Variants in MAF observed in about 807,000 individuals in gnomAD.
The protein encoded by MAF is MAF bZIP transcription factor, also known as transcription factor Maf.
MAF carries 10 observed loss-of-function variants against 22.0 expected under a neutral mutation model. The ratio of observed to expected loss-of-function variants is 0.45; its 90% CI spans 0.28 to 0.77. The LOEUF is 0.77. MAF is among the 30% of genes least tolerant of loss of function. The pLI is 0.12. For missense variants in MAF, 544 were observed against 548.4 expected (o/e 0.99, Z 0.08); for synonymous variants, 337 against 255.8 (o/e 1.32, Z -3.03).
chr16:79,549,009 C>G, the MAF span, among the ~76,000 whole-genome samples: 2 of 152,168 alleles, frequency 1.3e-5, no homozygotes, highest in African/African-American at 4.8e-5. Context: ...CATCGTTACT[C>G]TCCCCCTTAC....
chr16:79,217,054 A>G, the MAF span, among the ~76,000 whole-genome samples: 1 of 152,238 alleles, frequency 6.6e-6, no homozygotes, highest in African/African-American at 2.4e-5. Flanking sequence ...AAGTGATCCA[A>G]CTGCCTCAGC....
the MAF span, among the ~76,000 whole-genome samples, chr16:79,259,888 C>A: frequency 6.6e-6 from 1 of 151,986 alleles, no homozygotes; most frequent in Non-Finnish European, 1.5e-5. Context: ...TGATAATGCT[C>A]AGAAGGACTT....
the MAF span, among the ~76,000 whole-genome samples, chr16:79,439,104 A>C: frequency 6.6e-6 from 1 of 152,034 alleles, no homozygotes; most frequent in East Asian, 1.9e-4. Flanking sequence ...TGCACATCCT[A>C]ATCTAGGGCA....
chr16:79,483,553 TG>T, the MAF span, among the ~76,000 whole-genome samples: 1 of 151,730 alleles, frequency 6.6e-6, no homozygotes, highest in Non-Finnish European at 1.5e-5. Flanking sequence ...GAGAATAGAA[TG>T]GGCAAGATTG....
At chr16:79,329,755 C>A in the MAF span, among the ~76,000 whole-genome samples, 1 of 152,082 alleles carries the variant, frequency 6.6e-6, no homozygotes, top group South Asian at 2.1e-4. Flanking sequence ...TCTTATTGAT[C>A]TATAGTATAT....
At chr16:79,203,069 A>G in the MAF span, 2 of 152,344 alleles carry the variant, frequency 1.3e-5, no homozygotes, top group Admixed American at 6.5e-5. Flanking sequence ...TACCCGGGCA[A>G]TTAAAGCAAC....
chr16:79,466,520 T>C, the MAF span, among the ~76,000 whole-genome samples: 1 of 152,240 alleles, frequency 6.6e-6, no homozygotes, highest in East Asian at 1.9e-4. Context: ...CACCGTCTTA[T>C]ACTCATCAAG....
the MAF span, among the ~76,000 whole-genome samples, chr16:79,232,202 A>G: frequency 3.3e-5 from 5 of 152,086 alleles, no homozygotes; most frequent in Non-Finnish European, 5.9e-5. Flanking sequence ...GGGTTGGGGA[A>G]TCCCTGATAT....
At chr16:79,317,987 C>T in the MAF span, among the ~76,000 whole-genome samples, 1 of 152,188 alleles carries the variant, frequency 6.6e-6, no homozygotes, top group South Asian at 2.1e-4. Flanking sequence ...AGAGCCACAT[C>T]CTGGAACATA....
the MAF span, among the ~76,000 whole-genome samples, chr16:79,307,095 T>C: frequency 1.3e-5 from 2 of 152,324 alleles, no homozygotes; most frequent in African/African-American, 4.8e-5. Flanking sequence ...TGACCTTCTT[T>C]TTCCACTCAA....
chr16:79,422,788 G>A, the MAF span, among the ~76,000 whole-genome samples: 2 of 152,088 alleles, frequency 1.3e-5, no homozygotes, highest in African/African-American at 4.8e-5. Context: ...AGTAATTGCA[G>A]TTTTTGCTAT....
the MAF span, among the ~76,000 whole-genome samples, chr16:79,548,728 G>A: frequency 6.6e-6 from 1 of 152,184 alleles, no homozygotes; most frequent in South Asian, 2.1e-4. Context: ...TTGAATACCT[G>A]CCCAGCAGAT....
the MAF span, among the ~76,000 whole-genome samples, chr16:79,555,337 G>GTGTC: frequency 6.6e-6 from 1 of 152,148 alleles, no homozygotes; most frequent in African/African-American, 2.4e-5. Context: ...AGACTTTACA[G>GTGTC]TTTGAAGTGT....
the MAF span, among the ~76,000 whole-genome samples, chr16:79,213,566 C>A: frequency 6.6e-6 from 1 of 152,234 alleles, no homozygotes; most frequent in African/African-American, 2.4e-5. Context: ...GTGCTTTGCA[C>A]TGGGGCTTGC....
the MAF span, among the ~76,000 whole-genome samples, chr16:79,288,982 G>A: frequency 1.0e-3 from 154 of 152,268 alleles, no homozygotes; most frequent in East Asian, 8.7e-3. Context: ...CACCCGCCTC[G>A]GCCTCCCAAA....
chr16:79,598,699 C>T (rs1913750259), intron 1 of MAF, 86 bp downstream of exon 1: 1 of 1,587,416 alleles, frequency 6.3e-7, no homozygotes, highest in Non-Finnish European at 8.5e-7. Flanking sequence ...GCGAGCATGG[C>T]TCTAGAACTA....
the MAF span, among the ~76,000 whole-genome samples, chr16:79,213,227 G>C: frequency 6.6e-6 from 1 of 152,084 alleles, no homozygotes; most frequent in Non-Finnish European, 1.5e-5. Flanking sequence ...TCCCCCTCCT[G>C]ATCATGGCAG....
the MAF span, among the ~76,000 whole-genome samples, chr16:79,290,851 C>T: frequency 5.3e-5 from 8 of 152,060 alleles, no homozygotes; most frequent in African/African-American, 1.9e-4. Context: ...CATGAGAAAG[C>T]ACCCTCAGTT....
the MAF span, among the ~76,000 whole-genome samples, chr16:79,398,069 G>A: frequency 6.6e-6 from 1 of 152,162 alleles, no homozygotes; most frequent in Non-Finnish European, 1.5e-5. Flanking sequence ...ATTCCTTCTG[G>A]AGGCTCTGGT....
Sources: allele counts gnomAD v4.1 joint callset (sites outside exome capture counted in the v4.1 genomes callset), GRCh38; gene constraint gnomAD v4.1.1; transcripts MANE v1.5; gene names NCBI Gene and HGNC (gene_info 2026-07-23, HGNC 2026-07-21).